Variants in COX20 observed in about 807,000 individuals in gnomAD.
COX20 encodes the protein cytochrome c oxidase assembly protein COX20, mitochondrial.
Under a neutral mutation model 14.3 loss-of-function variants are expected in COX20, and 14 were observed. The observed-to-expected ratio is 0.98, with a 90% CI of 0.65 to 1.53. COX20 has a LOEUF of 1.53. COX20 is among the 40% of genes most tolerant of loss of function. COX20 has a pLI of 0.00. For missense variants in COX20, 149 were observed against 142.1 expected, an observed-to-expected ratio of 1.05 and a Z score of -0.25; for synonymous variants, 56 against 51.7, an observed-to-expected ratio of 1.08 and a Z score of -0.36.
intron 1 of COX20, among the ~76,000 whole-genome samples, chr1:244,837,659 G>C (rs1232466209): frequency 6.6e-6 from 1 of 152,202 alleles, no homozygotes; most frequent in Non-Finnish European, 1.5e-5. Context: ...GTACTAGACT[G>C]ATCAAGACAG....
chr1:244,837,077 T>A (rs1680012948), intron 1 of COX20, among the ~76,000 whole-genome samples: 1 of 151,386 alleles, frequency 6.6e-6, no homozygotes. Flanking sequence ...TTTTTAAAGG[T>A]CATAAAGGTG....
intron 1 of COX20, 138 bp downstream of exon 1, chr1:244,835,894 G>A (rs1322329953): frequency 3.2e-6 from 2 of 632,524 alleles, no homozygotes; most frequent in Non-Finnish European, 4.6e-6. Context: ...ACTGTTCCTA[G>A]TCCTTATCCC....
chr1:244,839,149 C>A (rs986567710), intron 1 of COX20, among the ~76,000 whole-genome samples: 3 of 151,450 alleles, frequency 2.0e-5, no homozygotes, highest in Non-Finnish European at 2.9e-5. Context: ...AAAGGGGTAG[C>A]TATAGAAGCC....
chr1:244,835,845 A>C, intron 1 of COX20, 89 bp downstream of exon 1: 1 of 972,828 alleles, frequency 1.0e-6, no homozygotes, highest in Non-Finnish European at 1.3e-6. Flanking sequence ...AGCACGTGTC[A>C]CTGGCTTCTC....
intron 1 of COX20, chr1:244,836,600 A>G (rs1484138921): frequency 8.0e-7 from 1 of 1,245,928 alleles, no homozygotes; most frequent in African/African-American, 1.5e-5. Flanking sequence ...TCAGGGCAGA[A>G]CAGGTATTCA....
At chr1:244,837,236 G>A (rs1040183469) in intron 1 of COX20, among the ~76,000 whole-genome samples, 1 of 152,104 alleles carries the variant, frequency 6.6e-6, no homozygotes, top group Non-Finnish European at 1.5e-5. Context: ...GTCAGAGGTG[G>A]GAGGCCAAAA....
chr1:244,842,628 A>G (rs1211063809), intron 3 of COX20: 1 of 272,432 alleles, frequency 3.7e-6, no homozygotes. Flanking sequence ...CAGACCTAAG[A>G]GTATGATATG....
chr1:244,837,521 C>A (rs910677683), intron 1 of COX20, among the ~76,000 whole-genome samples: 1 of 152,224 alleles, frequency 6.6e-6, no homozygotes, highest in African/African-American at 2.4e-5. Flanking sequence ...CTGCCACATT[C>A]TTGTCCTTTA....
rs1680356131 is a variant in COX20, at chr1:244,844,689, G to A, written c.*1513G>A. 1 of 151,944 alleles carries A rather than the reference G, an allele frequency of 6.6e-6. No individual in the cohort carries two copies. Among genetic ancestry groups the A allele is most frequent in the Non-Finnish European group, 1.5e-5 (1 of 68,024 alleles). 9.4% of individuals were successfully genotyped at this position (151,944 alleles called of 1,614,324 possible). A position where few individuals can be genotyped will look rare whatever the true frequency, so the allele number is the denominator to read the frequency against. On this transcript the variant is annotated 3_prime_UTR_variant, in exon 4 of 4. Coordinates refer to ENST00000411948, the MANE Select transcript of COX20 (RefSeq NM_198076.6). The stretch of plus-strand genomic sequence containing the variant: ...AGGAGAATCACTTGAACCCGAGGTG[G>A]GGCAGGCGGAGGTTGCAGTAAGCCA...
chr1:244,835,872 G>C (rs1175915679), intron 1 of COX20, 116 bp downstream of exon 1: 1 of 740,988 alleles, frequency 1.3e-6, no homozygotes, highest in Admixed American at 4.3e-5. Flanking sequence ...CCATGGGCTT[G>C]AAACTATTTT....
At chr1:244,835,654 C>T (rs560100025), upstream of COX20, 12 of 1,210,332 alleles carry the variant, frequency 9.9e-6, no homozygotes, top group Middle Eastern at 3.2e-4. Context: ...GCGCGGCCAG[C>T]CGGGCTTCTG....
Position 244,842,182 on chromosome 1 carries a change from C to T in COX20, c.158-13C>T. ...AATTATATTCTAATTAATTGTTATG[C>T]TTATTTTTACAGGTAGAATTAGAAG... On this transcript the variant is annotated splice_polypyrimidine_tract_variant and intron_variant, in intron 2 of 3. Coordinates refer to ENST00000411948, the MANE Select transcript of COX20 (RefSeq NM_198076.6). 1 of 1,574,418 alleles carries T rather than the reference C, an allele frequency of 6.4e-7. No homozygotes were observed. The highest frequency in any genetic ancestry group is 1.8e-4 in the Middle Eastern group (1 of 5,652).
At chr1:244,841,752 C>T (rs541975350) in intron 1 of COX20, 192 bp from the exon 2 acceptor site, 17 of 518,696 alleles carry the variant, frequency 3.3e-5, no homozygotes, top group South Asian at 9.1e-5. Flanking sequence ...GTAAGGTTTT[C>T]GGATTTAAAG....
At position 244,835,771 on chromosome 1, in the gene COX20, G is replaced by C; in HGVS notation, c.42+15G>C. On this transcript the variant is annotated intron_variant, in intron 1 of 3. Coordinates refer to ENST00000411948, the MANE Select transcript of COX20 (RefSeq NM_198076.6). ...AGGAGAGGAAGGTAACCTGGGGGTC[G>C]GCGGGGCGCGCGCCGCGGGTGGGCG... 3 of 1,252,536 alleles carry C rather than the reference G, an allele frequency of 2.4e-6. No individual in the cohort carries two copies. Among genetic ancestry groups the C allele is most frequent in the African/African-American group, 1.5e-5 (1 of 64,664 alleles). 77.6% of individuals were successfully genotyped at this position (1,252,536 alleles called of 1,614,324 possible). A position where few individuals can be genotyped will look rare whatever the true frequency, so the allele number is the denominator to read the frequency against.
Position 244,843,103 on chromosome 1 carries a change from T to C in COX20, c.284T>C (p.Ile95Thr). 3 of 1,596,868 alleles carry C rather than the reference T, an allele frequency of 1.9e-6. No homozygotes were observed. The highest frequency in any genetic ancestry group is 2.6e-6 in the Non-Finnish European group (3 of 1,174,542). ...RIQERIAREEIKKKILYEGTH... is the reference protein window; with the variant it reads ...RIQERIAREETKKKILYEGTH... ...CAGGAAAGAATTGCCAGAGAAGAAA[T>C]TAAAAAGAAGATATTATATGAAGGT... The change falls in exon 4 of 4, where the codon ATT becomes ACT. Residue 95 changes from isoleucine to threonine, a missense_variant. Ile to Thr is a moderately conservative substitution (Grantham distance 89). Transcript: ENST00000411948.
At position 244,844,026 on chromosome 1, in the gene COX20, A is replaced by G. The variant is rs756811123; in HGVS notation, c.*850A>G. The G allele has an allele frequency of 2.0e-5, 3 of 152,242 alleles. No homozygotes were observed. The highest frequency in any genetic ancestry group is 4.8e-5 in the African/African-American group (2 of 41,470). 9.4% of individuals were successfully genotyped at this position (152,242 alleles called of 1,614,324 possible). On this transcript the variant is annotated 3_prime_UTR_variant, in exon 4 of 4. Transcript: ENST00000411948. ...AATACTTTAAGAAAATCTGTTAAAT[A>G]TAACAAAACACAAGCTAGATGCTTA...
intron 1 of COX20, chr1:244,839,814 A>G (rs1680122494): frequency 6.6e-6 from 1 of 152,190 alleles, no homozygotes; most frequent in South Asian, 2.1e-4. Context: ...GGTTTGGCAC[A>G]ATGAAAATGT....
intron 1 of COX20, among the ~76,000 whole-genome samples, chr1:244,838,256 A>T (rs1680061771): frequency 6.6e-6 from 1 of 152,204 alleles, no homozygotes; most frequent in African/African-American, 2.4e-5. Context: ...TTTGGAGGTG[A>T]AAATATATTT....
intron 1 of COX20, among the ~76,000 whole-genome samples, chr1:244,836,330 A>G (rs1015959773): frequency 6.6e-6 from 1 of 152,130 alleles, no homozygotes; most frequent in Admixed American, 6.5e-5. Flanking sequence ...GACAGTTTTC[A>G]TTCCTCTGCC....
Sources: allele counts gnomAD v4.1 joint callset (sites outside exome capture counted in the v4.1 genomes callset), GRCh38; gene constraint gnomAD v4.1.1; transcripts MANE v1.5; gene names NCBI Gene and HGNC (gene_info 2026-07-23, HGNC 2026-07-21).